TLN2: variants seen among roughly 807,000 people sequenced by gnomAD.
The protein encoded by TLN2 is talin-2.
Under a neutral mutation model 294.7 loss-of-function variants are expected in TLN2, and 118 were observed. The observed-to-expected ratio is 0.40, with a 90% CI of 0.34 to 0.47. The LOEUF (loss-of-function observed/expected upper bound fraction) is 0.47. TLN2 is among the 20% of genes least tolerant of loss of function. TLN2 has a pLI of 0.84. For synonymous variants in TLN2, 1,431 were observed against 1,304.5 expected, an observed-to-expected ratio of 1.10 and a Z score of -2.09; for missense variants, 3,083 against 3,282.2, an observed-to-expected ratio of 0.94 and a Z score of 1.48.
chr15:62,844,128 A>C lies in TLN2; in HGVS notation c.*3518A>C, dbSNP rs1003423701. The C allele has an allele frequency of 6.6e-6, 1 of 152,040 alleles. No homozygotes were observed. The highest frequency in any genetic ancestry group is 1.5e-5 in the Non-Finnish European group (1 of 68,084). The allele number at this position is 152,040 out of a possible 1,614,324, so 9.4% of individuals were successfully genotyped here. A position where few individuals can be genotyped will look rare whatever the true frequency, so the allele number is the denominator to read the frequency against. ...GTTCAGAAAGCAAAAGATCTTGACA[A>C]CTGTGCCAGTAGTGGCTCTGGTCCT... On this transcript the variant is annotated 3_prime_UTR_variant, in exon 59 of 59. Transcript: ENST00000636159.
At chr15:62,773,937 G>T (rs991767815) in intron 42 of TLN2, among the ~76,000 whole-genome samples, 1 of 152,120 alleles carries the variant, frequency 6.6e-6, no homozygotes, top group African/African-American at 2.4e-5. Context: ...CGAGGCGTTT[G>T]CAGTGTAGCC....
At chr15:62,422,864 C>G (rs879117318) in intron 1 of TLN2, among the ~76,000 whole-genome samples, 3 of 152,346 alleles carry the variant, frequency 2.0e-5, no homozygotes, top group Admixed American at 6.5e-5. Context: ...GATGCCTGGA[C>G]CCCTCTCCTG....
intron 1 of TLN2, among the ~76,000 whole-genome samples, chr15:62,496,858 C>G (rs939132830): frequency 6.6e-6 from 1 of 152,170 alleles, no homozygotes; most frequent in African/African-American, 2.4e-5. Flanking sequence ...TTTAAATATA[C>G]TTAATTTGTA....
chr15:62,653,090 A>G, intron 6 of TLN2, 72 bp from the exon 7 acceptor site: 1 of 1,317,316 alleles, frequency 7.6e-7, no homozygotes, highest in Non-Finnish European at 1.0e-6. Context: ...TTGGAATATC[A>G]CAGGCCTTAG....
chr15:62,806,945 G>A (rs1348383746), intron 51 of TLN2, among the ~76,000 whole-genome samples: 5 of 152,186 alleles, frequency 3.3e-5, no homozygotes, highest in Non-Finnish European at 7.3e-5. Context: ...CTCAGAAGGA[G>A]AGGGAGGTAA....
At position 62,648,608 on chromosome 15, in the gene TLN2, T is replaced by C. The variant is rs1167384674; in HGVS notation, c.136+1162T>C. 3.4e-5 allele frequency among the ~76,000 whole-genome samples: 5 copies of C among 145,810 alleles called. No individual in the cohort carries two copies. In the East Asian group the frequency reaches 6.1e-4, roughly 18 times the overall value. ...TGTTGCCCAGGCTGGAGGGCAACGATGTGATCTTGGCTCACTGCAACCTCC... is the reference window on the plus strand; with the variant it reads ...TGTTGCCCAGGCTGGAGGGCAACGACGTGATCTTGGCTCACTGCAACCTCC... On this transcript the variant is annotated intron_variant, in intron 4 of 58. Coordinates refer to ENST00000636159, the MANE Select transcript of TLN2 (RefSeq NM_015059.3).
intron 1 of TLN2, among the ~76,000 whole-genome samples, chr15:62,584,881 A>G (rs1189141084): frequency 2.0e-5 from 3 of 152,238 alleles, no homozygotes; most frequent in Non-Finnish European, 4.4e-5. Flanking sequence ...ATGCTAGTTC[A>G]TCCTCAGCTA....
intron 1 of TLN2, among the ~76,000 whole-genome samples, chr15:62,434,305 TA>T (rs1481488261): frequency 2.6e-5 from 4 of 152,176 alleles, no homozygotes; most frequent in Non-Finnish European, 5.9e-5. Flanking sequence ...GCATCTTACT[TA>T]AAAAAAGTTA....
At chr15:62,574,156 C>G (rs2044175941) in intron 1 of TLN2, among the ~76,000 whole-genome samples, 2 of 151,462 alleles carry the variant, frequency 1.3e-5, no homozygotes, top group South Asian at 4.1e-4. Flanking sequence ...TATGAATTCT[C>G]CAGGGACTGT....
chr15:62,772,725 C>T (rs887513135), intron 42 of TLN2, among the ~76,000 whole-genome samples: 6 of 151,912 alleles, frequency 3.9e-5, no homozygotes, highest in East Asian at 1.9e-4. Flanking sequence ...TGCAATGGCG[C>T]GATCTCGGCT....
chr15:62,553,727 G>A (rs1295653046), intron 1 of TLN2, among the ~76,000 whole-genome samples: 1 of 152,028 alleles, frequency 6.6e-6, no homozygotes, highest in African/African-American at 2.4e-5. Flanking sequence ...ATATAGAAGG[G>A]ACTGAATTTT....
At chr15:62,559,621 A>G (rs996363786) in intron 1 of TLN2, among the ~76,000 whole-genome samples, 2 of 152,204 alleles carry the variant, frequency 1.3e-5, no homozygotes, top group African/African-American at 4.8e-5. Context: ...CTGTTGCCAT[A>G]GCACCTGACA....
intron 1 of TLN2, among the ~76,000 whole-genome samples, chr15:62,535,328 G>T (rs1434180773): frequency 6.6e-6 from 1 of 152,058 alleles, no homozygotes; most frequent in African/African-American, 2.4e-5. Context: ...CAGCCTATGC[G>T]TCAGGATTTT....
chr15:62,721,029 A>G (rs1440328861), intron 25 of TLN2, among the ~76,000 whole-genome samples: 4 of 152,172 alleles, frequency 2.6e-5, no homozygotes, highest in African/African-American at 9.7e-5. Context: ...CACCCTGACA[A>G]GATTGTAGGG....
intron 28 of TLN2, chr15:62,734,172 A>T (rs2060880677): frequency 6.6e-6 from 1 of 152,030 alleles, no homozygotes; most frequent in South Asian, 2.1e-4. Context: ...GTTTTTTTAA[A>T]TTGTATGAGT....
At chr15:62,652,246 G>A (rs1295978477) in intron 6 of TLN2, 112 bp downstream of exon 6, 19 of 1,162,388 alleles carry the variant, frequency 1.6e-5, no homozygotes, top group African/African-American at 3.1e-5. Flanking sequence ...GTCTTAACAC[G>A]CCGAGTTCTG....
chr15:62,600,690 T>C (rs2046920635), intron 2 of TLN2, among the ~76,000 whole-genome samples: 1 of 152,208 alleles, frequency 6.6e-6, no homozygotes, highest in Admixed American at 6.5e-5. Context: ...TATTCAAAAG[T>C]GAAGAGAATT....
intron 58 of TLN2, among the ~76,000 whole-genome samples, chr15:62,839,256 G>A (rs565473990): frequency 5.2e-4 from 79 of 152,322 alleles, no homozygotes; most frequent in African/African-American, 1.8e-3. Context: ...GGCCATGACC[G>A]TAAGCTGCAG....
chr15:62,427,697 GTC>G (rs1566963124), intron 1 of TLN2, among the ~76,000 whole-genome samples: 1 of 152,088 alleles, frequency 6.6e-6, no homozygotes, highest in Non-Finnish European at 1.5e-5. Flanking sequence ...ACCCTGCCAT[GTC>G]TCTCTGGGGC....
Sources: allele counts gnomAD v4.1 joint callset (sites outside exome capture counted in the v4.1 genomes callset), GRCh38; gene constraint gnomAD v4.1.1; transcripts MANE v1.5; gene names NCBI Gene and HGNC (gene_info 2026-07-23, HGNC 2026-07-21).